ANKHD1: variants seen among roughly 807,000 people sequenced by gnomAD.
ANKHD1 encodes the protein ankyrin repeat and KH domain-containing protein 1.
A neutral mutation model predicts 230.5 loss-of-function variants in ANKHD1; 31 were observed. That is an observed-to-expected ratio of 0.13 (90% CI 0.10 to 0.18). ANKHD1 has a LOEUF of 0.18. ANKHD1 is among the 10% of genes least tolerant of loss of function. ANKHD1 has a pLI of 1.00. For synonymous variants in ANKHD1, 1,074 were observed against 1,117.6 expected (o/e 0.96, Z 0.78); for missense variants, 2,256 against 3,071.3 (o/e 0.73, Z 6.27).
intron 14 of ANKHD1, among the ~76,000 whole-genome samples, chr5:140,496,186 G>C (rs1752027149): frequency 6.6e-6 from 1 of 152,072 alleles, no homozygotes. Flanking sequence ...CTAATCAGCA[G>C]AATTTTGAGA....
Position 140,402,116 on chromosome 5 carries a change from C to G in ANKHD1, c.149C>G (p.Ala50Gly), listed in dbSNP as rs751502542. 1 of 1,538,126 alleles carries G rather than the reference C, an allele frequency of 6.5e-7. No individual in the cohort carries two copies. The highest frequency in any genetic ancestry group is 2.0e-5 in the Admixed American group (1 of 50,726). ...GIRTVRLFGE[A>G]GPASGVGSSG... ...CGCACCGTGAGGCTCTTTGGGGAGG[C>G]CGGGCCAGCGTCGGGAGTCGGCAGC... Residue 50 changes from alanine to glycine, a missense_variant, in exon 1 of 34, where the codon GCC (alanine) becomes GGC (glycine). Transcript: ENST00000360839.
At chr5:140,496,481 T>TA in intron 14 of ANKHD1, 39 bp from the exon 15 acceptor site, 3 of 1,162,230 alleles carry the variant, frequency 2.6e-6, no homozygotes, top group South Asian at 3.3e-5. Context: ...TTTTTTTTTT[T>TA]TAGCATGGCA....
chr5:140,501,181 T>A (rs1752288256), intron 15 of ANKHD1, among the ~76,000 whole-genome samples: 1 of 151,214 alleles, frequency 6.6e-6, no homozygotes, highest in Admixed American at 6.6e-5. Context: ...GTTCAAGCGA[T>A]TCCCCTTGCC....
At chr5:140,409,059 G>A (rs1042408359) in intron 1 of ANKHD1, among the ~76,000 whole-genome samples, 2 of 152,116 alleles carry the variant, frequency 1.3e-5, no homozygotes, top group African/African-American at 4.8e-5. Context: ...TTGTTCAGAC[G>A]TTGCCAAATG....
rs186465636 is a variant in ANKHD1, at chr5:140,414,971, A to T, written c.306+12698A>T. Among the ~76,000 whole-genome samples, 17 of 152,214 alleles carry T rather than the reference A, an allele frequency of 1.1e-4. No homozygotes were observed. The East Asian group carries it at 3.3e-3, about 29-fold the overall frequency. On this transcript the variant is annotated intron_variant, in intron 1 of 33. Transcript: ENST00000360839. ...CCTTCATTCTGTAGCTTGTCATTTC[A>T]TTCTGTTGCTGTAGTGTCCTTTCAT...
chr5:140,535,280 A>G (rs1180917685), intron 29 of ANKHD1, 82 bp from the exon 30 acceptor site: 59 of 1,495,018 alleles, frequency 3.9e-5, no homozygotes, highest in Non-Finnish European at 5.1e-5. Flanking sequence ...TTTACAGCTT[A>G]TCTCACTTTG....
rs373173383 is a variant in ANKHD1, at chr5:140,529,551, C to A, written c.6605C>A (p.Pro2202His). The A allele has an allele frequency of 5.6e-6, 9 of 1,614,068 alleles. No homozygotes were observed. The African/African-American group carries it at 1.1e-4, about 19-fold the overall frequency. The change falls in exon 29 of 34, where the codon CCT becomes CAT. Residue 2202 changes from proline (P) to histidine (H), a missense_variant. By Grantham distance (77) the Pro-to-His change is moderately conservative (BLOSUM62 -2). Transcript: ENST00000360839. ...HINPANKSLP[P>H]TFGPATLFNH... Reference sequence around the variant, plus strand: ...AACCCAGCAAATAAGTCTTTGCCACCTACATTTGGCCCAGCCACACTTTTC... The same window carrying A: ...AACCCAGCAAATAAGTCTTTGCCACATACATTTGGCCCAGCCACACTTTTC...
At chr5:140,474,771 A>T (rs1357551791) in intron 10 of ANKHD1, among the ~76,000 whole-genome samples, 2 of 150,724 alleles carry the variant, frequency 1.3e-5, no homozygotes, top group Non-Finnish European at 3.0e-5. Flanking sequence ...TAATTTTTAA[A>T]TTTTTTTTCA....
In ANKHD1 at chr5:140,485,875, G is replaced by T; in HGVS notation, c.2142+143G>T. ...GAAAATCATGACTCTAAATTCTTTA[G>T]GATTTATTTTCTTTAAAGGTACACT... On this transcript the variant is annotated intron_variant, in intron 13 of 33. Transcript: ENST00000360839. The surrounding 1 kb of genome is among the most constrained non-coding windows in gnomAD (Gnocchi z 4.8). 7 of 1,270,428 alleles carry T rather than the reference G, an allele frequency of 5.5e-6. No homozygotes were observed. Among genetic ancestry groups the T allele is most frequent in the South Asian group, 4.7e-5 (3 of 63,570 alleles). The allele number at this position is 1,270,428 out of a possible 1,614,324, so 78.7% of individuals were successfully genotyped here.
intron 9 of ANKHD1, among the ~76,000 whole-genome samples, chr5:140,463,332 C>T (rs137903296): frequency 6.6e-6 from 1 of 152,242 alleles, no homozygotes; most frequent in African/African-American, 2.4e-5. Context: ...ATTGTAGTCT[C>T]TGATAGTTTC....
chr5:140,517,947 G>A (rs1213383651), intron 24 of ANKHD1, among the ~76,000 whole-genome samples: 25 of 151,174 alleles, frequency 1.7e-4, no homozygotes, highest in African/African-American at 5.8e-4. Flanking sequence ...AATCAGAGCA[G>A]AACTGAAGGA....
chr5:140,532,133 G>T (rs902086493), intron 29 of ANKHD1, among the ~76,000 whole-genome samples: 3 of 151,680 alleles, frequency 2.0e-5, no homozygotes, highest in Non-Finnish European at 4.4e-5. Context: ...CTTGAACACA[G>T]GAGGTGGAGG....
At chr5:140,525,264 T>A (rs1753551188) in intron 25 of ANKHD1, among the ~76,000 whole-genome samples, 1 of 152,042 alleles carries the variant, frequency 6.6e-6, no homozygotes, top group Non-Finnish European at 1.5e-5. Context: ...GCAAAGATTT[T>A]TTTTGTGTGT....
At chr5:140,495,413 T>A (rs1424516595) in intron 14 of ANKHD1, among the ~76,000 whole-genome samples, 4 of 151,968 alleles carry the variant, frequency 2.6e-5, no homozygotes, top group Non-Finnish European at 5.9e-5. Flanking sequence ...GCCTGGCTGA[T>A]TTTTTGTATT....
chr5:140,486,817 C>CT, intron 13 of ANKHD1, 141 bp from the exon 14 acceptor site: 4 of 754,478 alleles, frequency 5.3e-6, no homozygotes, highest in South Asian at 5.8e-5. Context: ...TTGGTGAAAG[C>CT]TTTTTTTAAA....
chr5:140,528,670 T>C lies in ANKHD1; in HGVS notation c.5724T>C (p.Asn1908=), dbSNP rs201276384. Residue 1908 remains asparagine, a synonymous_variant, in exon 29 of 34, where the codon AAT becomes AAC. Coordinates refer to ENST00000360839, the MANE Select transcript of ANKHD1 (RefSeq NM_017747.3). The part of the protein sequence containing the change: ...PGNTNSSPKH[N]NTSRLPNQNG... Reference sequence around the variant, plus strand: ...ACACAAATAGCTCTCCAAAGCATAATAACACAAGCCGTCTACCTAACCAGA... The same window carrying C: ...ACACAAATAGCTCTCCAAAGCATAACAACACAAGCCGTCTACCTAACCAGA... The C allele has an allele frequency of 1.0e-4, 162 of 1,614,132 alleles. No homozygotes were observed. Among genetic ancestry groups the C allele is most frequent in the South Asian group, 3.5e-4 (32 of 91,080 alleles).
chr5:140,491,647 G>A (rs1751813001), intron 14 of ANKHD1, among the ~76,000 whole-genome samples: 1 of 151,992 alleles, frequency 6.6e-6, no homozygotes, highest in Non-Finnish European at 1.5e-5. Flanking sequence ...TTCTCCCAGT[G>A]ACGAATATCC....
chr5:140,478,673 T>C (rs1436298856), intron 10 of ANKHD1, among the ~76,000 whole-genome samples: 2 of 152,102 alleles, frequency 1.3e-5, no homozygotes, highest in Non-Finnish European at 2.9e-5. Context: ...AGACAGAATT[T>C]CGCTCTTGTT....
At chr5:140,501,161 C>T (rs1342959537) in intron 15 of ANKHD1, among the ~76,000 whole-genome samples, 2 of 150,644 alleles carry the variant, frequency 1.3e-5, no homozygotes, top group Non-Finnish European at 3.0e-5. Flanking sequence ...CTGCAACCTC[C>T]GCCTCCCAGG....
Sources: allele counts gnomAD v4.1 joint callset (sites outside exome capture counted in the v4.1 genomes callset), GRCh38; gene constraint gnomAD v4.1.1; non-coding constraint Gnocchi (gnomAD v3.1); transcripts MANE v1.5; gene names NCBI Gene and HGNC (gene_info 2026-07-23, HGNC 2026-07-21).